The following GALK2 variants were observed in gnomAD, a reference collection of about 807,000 sequenced individuals.
The protein encoded by GALK2 is N-acetylgalactosamine kinase.
Under a neutral mutation model 52.4 loss-of-function variants are expected in GALK2, and 36 were observed. The ratio of observed to expected loss-of-function variants is 0.69; its 90% CI spans 0.53 to 0.91. The LOEUF (loss-of-function observed/expected upper bound fraction) is 0.91. GALK2 is among the 40% of genes least tolerant of loss of function. The probability of loss-of-function intolerance (pLI) is 0.00; values close to 1 mark genes in which losing one functional copy is unlikely to be tolerated. For synonymous variants in GALK2, 176 were observed against 199.1 expected, an observed-to-expected ratio of 0.88 and a Z score of 0.98; for missense variants, 579 against 559.1, an observed-to-expected ratio of 1.04 and a Z score of -0.36.
At chr15:49,192,850 A>T (rs1305893682) in intron 1 of GALK2, among the ~76,000 whole-genome samples, 1 of 152,024 alleles carries the variant, frequency 6.6e-6, no homozygotes, top group Non-Finnish European at 1.5e-5. Context: ...AGGTCACCCT[A>T]TGTGGCCTAA....
At chr15:49,322,449 T>C (rs1163136281) in intron 9 of GALK2, among the ~76,000 whole-genome samples, 4 of 152,238 alleles carry the variant, frequency 2.6e-5, no homozygotes, top group African/African-American at 9.6e-5. Context: ...TTCTTTGCTG[T>C]CACTGTGACC....
At chr15:49,357,782 A>C (rs1311072603) in intron 3 of GALK2, among the ~76,000 whole-genome samples, 7 of 152,018 alleles carry the variant, frequency 4.6e-5, no homozygotes, top group African/African-American at 1.5e-4. Context: ...GAGACACAAC[A>C]AAAAAAGAGA....
chr15:49,189,558 C>A (rs1419527697), intron 1 of GALK2, among the ~76,000 whole-genome samples: 1 of 151,960 alleles, frequency 6.6e-6, no homozygotes, highest in Non-Finnish European at 1.5e-5. Context: ...ACAATAATAA[C>A]TAGAAATAAA....
At chr15:49,223,597 GTACTC>G (rs751256510) in intron 3 of GALK2, among the ~76,000 whole-genome samples, 18 of 152,060 alleles carry the variant, frequency 1.2e-4, no homozygotes, top group Non-Finnish European at 2.2e-4. Flanking sequence ...ATGTCCCTGT[GTACTC>G]ATATTTAGCT....
chr15:49,243,948 C>T (rs568758380), intron 5 of GALK2, among the ~76,000 whole-genome samples: 1 of 151,438 alleles, frequency 6.6e-6, no homozygotes, highest in African/African-American at 2.4e-5. Context: ...CACAGTGAGA[C>T]CTTGTCTCAA....
chr15:49,260,340 GT>G (rs1255665882), intron 5 of GALK2, among the ~76,000 whole-genome samples: 20 of 151,802 alleles, frequency 1.3e-4, no homozygotes, highest in African/African-American at 4.4e-4. Context: ...AATTTCATGT[GT>G]TTTTTGGCTG....
Position 49,327,955 on chromosome 15 carries a change from G to T in GALK2, c.1173G>T (p.Lys391Asn). The T allele has an allele frequency of 6.2e-7, 1 of 1,608,364 alleles. No individual in the cohort carries two copies. The highest frequency in any genetic ancestry group is 8.5e-7 in the Non-Finnish European group (1 of 1,176,536). ...ATTTTTTTCCTCACTGTTTTAGGAA[G>T]TTTGGGGCTCAAGGGTCACGACTTA... ...ELDQLVDICR[K>N]FGAQGSRLTG... is the part of the protein sequence containing the mutation. Residue 391 changes from lysine (K) to asparagine (N), a missense_variant, in exon 10 of 10, where the codon AAG becomes AAT. Lys to Asn is a moderately conservative substitution (Grantham distance 94). Coordinates refer to ENST00000560031, the MANE Select transcript of GALK2 (RefSeq NM_002044.4).
At chr15:49,249,247 G>T (rs1000913304) in intron 5 of GALK2, among the ~76,000 whole-genome samples, 2 of 152,176 alleles carry the variant, frequency 1.3e-5, no homozygotes, top group Non-Finnish European at 2.9e-5. Context: ...TTTCACAGAG[G>T]TTATGGTAGC....
At chr15:49,162,313 T>A (rs1412073704) in intron 1 of GALK2, among the ~76,000 whole-genome samples, 4 of 152,228 alleles carry the variant, frequency 2.6e-5, no homozygotes, top group Non-Finnish European at 5.9e-5. Context: ...GTTGCATGTA[T>A]CAGTTGGTTG....
rs796648338 is a variant in GALK2, at chr15:49,329,807, A to G, written c.*1648A>G. ...TCTTTAAAGATACCTGGATCAGTGT[A>G]AAAAAAAAAAAAAAAAGGCACCTGT... On this transcript the variant is annotated 3_prime_UTR_variant, in exon 10 of 10. Coordinates refer to ENST00000560031, the MANE Select transcript of GALK2 (RefSeq NM_002044.4). 3.1e-4 allele frequency: 33 copies of G among 107,696 alleles called. No homozygotes were observed. The highest frequency in any genetic ancestry group is 1.4e-3 in the African/African-American group (33 of 23,456). The allele number at this position is 107,696 out of a possible 1,614,324, so 6.7% of individuals were successfully genotyped here.
At chr15:49,266,522 T>G (rs1487980597) in intron 5 of GALK2, among the ~76,000 whole-genome samples, 1 of 152,228 alleles carries the variant, frequency 6.6e-6, no homozygotes, top group Admixed American at 6.5e-5. Flanking sequence ...TTCATTCTTC[T>G]TAATCTTCAG....
chr15:49,187,464 C>T (rs2086439611), intron 1 of GALK2, among the ~76,000 whole-genome samples: 1 of 152,116 alleles, frequency 6.6e-6, no homozygotes, highest in African/African-American at 2.4e-5. Flanking sequence ...TCCCTCAAGG[C>T]CCAAGCAGGT....
Position 49,328,934 on chromosome 15 carries a change from A to G in GALK2, c.*775A>G, listed in dbSNP as rs1389091314. ...AAACTTAGATAAAAAACACTTTAAG[A>G]CTCTTCTATTCACATTGAAATAAAG... On this transcript the variant is annotated 3_prime_UTR_variant, in exon 10 of 10. Coordinates refer to ENST00000560031, the MANE Select transcript of GALK2 (RefSeq NM_002044.4). The G allele has an allele frequency of 3.4e-6, 4 of 1,181,886 alleles. No individual in the cohort carries two copies. Among genetic ancestry groups the G allele is most frequent in the Non-Finnish European group, 4.2e-6 (4 of 948,308 alleles). 73.2% of individuals were successfully genotyped at this position (1,181,886 alleles called of 1,614,324 possible). A position where few individuals can be genotyped will look rare whatever the true frequency, so the allele number is the denominator to read the frequency against.
At chr15:49,297,928 AT>A (rs58235731) in intron 8 of GALK2, among the ~76,000 whole-genome samples, 47,170 of 149,028 alleles carry the variant, frequency 0.32, 7,687 homozygotes, top group East Asian at 0.49. Context: ...GAATTTTTGA[AT>A]TTTTTTTTTT....
At chr15:49,185,732 T>G (rs551753782) in intron 1 of GALK2, 2 of 152,364 alleles carry the variant, frequency 1.3e-5, no homozygotes, top group East Asian at 3.9e-4. Context: ...GATTTCTTAT[T>G]GCTTATTAAC....
intron 5 of GALK2, among the ~76,000 whole-genome samples, chr15:49,242,410 A>AGT (rs1350222100): frequency 1.3e-5 from 2 of 152,176 alleles, no homozygotes; most frequent in Admixed American, 6.5e-5. Flanking sequence ...AATGGCAATG[A>AGT]GTGGGAATAG....
intron 3 of GALK2, among the ~76,000 whole-genome samples, chr15:49,218,791 G>C (rs1025174635): frequency 6.6e-6 from 1 of 152,098 alleles, no homozygotes; most frequent in Non-Finnish European, 1.5e-5. Context: ...TTTCATTTCT[G>C]TTGGGTAAAT....
intron 5 of GALK2, among the ~76,000 whole-genome samples, chr15:49,270,878 T>C (rs959170265): frequency 1.3e-5 from 2 of 152,194 alleles, no homozygotes; most frequent in African/African-American, 4.8e-5. Flanking sequence ...TGCCCCTCTC[T>C]TCTTGTCATT....
intron 1 of GALK2, among the ~76,000 whole-genome samples, chr15:49,162,331 T>G (rs1053967169): frequency 1.3e-5 from 2 of 152,242 alleles, no homozygotes; most frequent in East Asian, 3.9e-4. Context: ...TTGTTTCTTT[T>G]TATTGCTGAA....
Sources: gnomAD v4.1 joint callset for allele counts (sites outside exome capture counted in the v4.1 genomes callset) on GRCh38, gnomAD v4.1.1 for gene constraint, MANE v1.5 for transcripts, NCBI Gene and HGNC (gene_info 2026-07-23, HGNC 2026-07-21) for gene names.